Variants in MAF observed in about 807,000 individuals in gnomAD.
The protein encoded by MAF is transcription factor Maf.
Under a neutral mutation model 22.0 loss-of-function variants are expected in MAF, and 10 were observed. That is an observed-to-expected ratio of 0.45 (90% CI 0.28 to 0.77). The LOEUF (loss-of-function observed/expected upper bound fraction) is 0.77, where lower values mean the gene tolerates loss of function less well. Among genes scored for constraint, MAF ranks in the 30% least tolerant of loss-of-function variants. The pLI is 0.12. For synonymous variants in MAF, 337 were observed against 255.8 expected, an observed-to-expected ratio of 1.32 and a Z score of -3.03; for missense variants, 544 against 548.4, an observed-to-expected ratio of 0.99 and a Z score of 0.08.
At chr16:79,238,843 T>G in the MAF span, among the ~76,000 whole-genome samples, 1 of 151,976 alleles carries the variant, frequency 6.6e-6, no homozygotes, top group Admixed American at 6.6e-5. Flanking sequence ...GATATAGGAT[T>G]TGAACTTGAC....
chr16:79,290,915 G>A, the MAF span, among the ~76,000 whole-genome samples: 1 of 152,134 alleles, frequency 6.6e-6, no homozygotes, highest in Non-Finnish European at 1.5e-5. Context: ...CAGACTTTCT[G>A]TGGATAGGGT....
chr16:79,423,918 T>C, the MAF span, among the ~76,000 whole-genome samples: 1 of 152,224 alleles, frequency 6.6e-6, no homozygotes, highest in East Asian at 1.9e-4. Flanking sequence ...AGTCTGGTAC[T>C]AAAATGGAAA....
the MAF span, among the ~76,000 whole-genome samples, chr16:79,237,542 C>T: frequency 6.6e-6 from 1 of 152,092 alleles, no homozygotes; most frequent in Non-Finnish European, 1.5e-5. Flanking sequence ...GAGGGTGATT[C>T]ACTTTCACAC....
At chr16:79,215,285 T>C in the MAF span, among the ~76,000 whole-genome samples, 3 of 152,134 alleles carry the variant, frequency 2.0e-5, no homozygotes, top group African/African-American at 7.2e-5. Flanking sequence ...TCTTGCTATG[T>C]TGACCAGGCT....
chr16:79,502,687 AT>A, the MAF span, among the ~76,000 whole-genome samples: 203 of 15,394 alleles, frequency 0.013, 3 homozygotes, highest in Middle Eastern at 0.062. Context: ...AAATATAAAT[AT>A]AAATATAAAT....
chr16:79,245,409 G>A, the MAF span, among the ~76,000 whole-genome samples: 1 of 151,946 alleles, frequency 6.6e-6, no homozygotes, highest in Non-Finnish European at 1.5e-5. Context: ...GATATAAACA[G>A]ACACTTATCA....
At chr16:79,410,508 C>T in the MAF span, among the ~76,000 whole-genome samples, 1 of 152,162 alleles carries the variant, frequency 6.6e-6, no homozygotes, top group Non-Finnish European at 1.5e-5. Context: ...AATTAGTGTA[C>T]CTTCAGTATG....
the MAF span, among the ~76,000 whole-genome samples, chr16:79,350,250 G>C: frequency 8.5e-4 from 130 of 152,296 alleles, no homozygotes; most frequent in African/African-American, 3.1e-3. Flanking sequence ...AGGCGAGTAA[G>C]TTAACCAGCA....
the MAF span, among the ~76,000 whole-genome samples, chr16:79,456,588 G>A: frequency 6.6e-6 from 1 of 152,130 alleles, no homozygotes; most frequent in African/African-American, 2.4e-5. Context: ...ATGGGAGAAG[G>A]ATGAGCTACT....
the MAF span, among the ~76,000 whole-genome samples, chr16:79,227,414 T>G: frequency 6.6e-6 from 1 of 152,112 alleles, no homozygotes; most frequent in Non-Finnish European, 1.5e-5. Flanking sequence ...CATTGCTGTG[T>G]GTGTATGAAC....
At chr16:79,229,660 G>C in the MAF span, among the ~76,000 whole-genome samples, 1 of 151,706 alleles carries the variant, frequency 6.6e-6, no homozygotes, top group Non-Finnish European at 1.5e-5. Context: ...CAGCACCTGG[G>C]CAAGCCAGCA....
At chr16:79,474,217 A>C in the MAF span, among the ~76,000 whole-genome samples, 1 of 152,210 alleles carries the variant, frequency 6.6e-6, no homozygotes, top group African/African-American at 2.4e-5. Flanking sequence ...ATCTCTCTAC[A>C]TGGCATAGAA....
chr16:79,369,014 C>T, the MAF span, among the ~76,000 whole-genome samples: 9 of 152,308 alleles, frequency 5.9e-5, no homozygotes, highest in Admixed American at 2.0e-4. Context: ...GATGTCTATC[C>T]GCTTTGTTCT....
chr16:79,269,864 T>A, the MAF span, among the ~76,000 whole-genome samples: 1 of 152,146 alleles, frequency 6.6e-6, no homozygotes, highest in Non-Finnish European at 1.5e-5. Context: ...AGGGAGAGGT[T>A]TGGCCTTAGC....
downstream of MAF, among the ~76,000 whole-genome samples, chr16:79,584,106 G>A (rs1396480248): frequency 6.6e-6 from 1 of 152,046 alleles, no homozygotes; most frequent in African/African-American, 2.4e-5. Context: ...GAATGCTTCT[G>A]AGACTACATA....
At chr16:79,353,899 A>G in the MAF span, among the ~76,000 whole-genome samples, 3 of 152,110 alleles carry the variant, frequency 2.0e-5, no homozygotes, top group Non-Finnish European at 4.4e-5. Context: ...TAGACCCACA[A>G]ACCTTTCTGG....
the MAF span, among the ~76,000 whole-genome samples, chr16:79,345,573 C>T: frequency 6.6e-6 from 1 of 151,428 alleles, no homozygotes; most frequent in African/African-American, 2.4e-5. Context: ...ACTAAAAGCA[C>T]AAAAATTAGC....
the MAF span, among the ~76,000 whole-genome samples, chr16:79,437,858 T>C: frequency 6.6e-6 from 1 of 151,858 alleles, no homozygotes; most frequent in Non-Finnish European, 1.5e-5. Context: ...TCCCACATGC[T>C]GAGACGTGGG....
At chr16:79,540,498 C>G in the MAF span, among the ~76,000 whole-genome samples, 1 of 152,148 alleles carries the variant, frequency 6.6e-6, no homozygotes, top group Non-Finnish European at 1.5e-5. Flanking sequence ...TCAGACGAAG[C>G]CAGCTGGAGG....
Sources: allele counts gnomAD v4.1 joint callset (sites outside exome capture counted in the v4.1 genomes callset), GRCh38; gene constraint gnomAD v4.1.1; transcripts MANE v1.5; gene names NCBI Gene and HGNC (gene_info 2026-07-23, HGNC 2026-07-21).